Variants in ABR observed in about 807,000 individuals in gnomAD.
ABR encodes the protein ABR activator of RhoGEF and GTPase.
A neutral mutation model predicts 107.2 loss-of-function variants in ABR; 35 were observed. That is an observed-to-expected ratio of 0.33 (90% CI 0.25 to 0.43). The LOEUF (loss-of-function observed/expected upper bound fraction) is 0.43. Among genes scored for constraint, ABR ranks in the 20% least tolerant of loss-of-function variants. The pLI, the probability that ABR is intolerant of heterozygous loss-of-function variation, is 1.00. For missense variants in ABR, 815 were observed against 1,115.2 expected (o/e 0.73, Z 3.83); for synonymous variants, 498 against 462.0 (o/e 1.08, Z -1.00).
At chr17:1,031,119 G>A (rs2072697680) in intron 16 of ABR, among the ~76,000 whole-genome samples, 1 of 152,152 alleles carries the variant, frequency 6.6e-6, no homozygotes, top group East Asian at 1.9e-4. Flanking sequence ...GGGAAGCCTC[G>A]AGCCCCCAGA....
intron 2 of ABR, among the ~76,000 whole-genome samples, chr17:1,101,500 A>G (rs895007956): frequency 1.3e-5 from 2 of 152,150 alleles, no homozygotes; most frequent in East Asian, 1.9e-4. Context: ...CCCACACACC[A>G]GAGCTGGATT....
intron 1 of ABR, among the ~76,000 whole-genome samples, chr17:1,196,695 C>A (rs922594107): frequency 7.5e-6 from 1 of 134,012 alleles, no homozygotes; most frequent in Non-Finnish European, 1.6e-5. Context: ...ATCCAACCTT[C>A]CTTTTTTTTT....
intron 1 of ABR, among the ~76,000 whole-genome samples, chr17:1,145,045 G>GA (rs1324882467): frequency 4.6e-5 from 7 of 151,822 alleles, no homozygotes; most frequent in Non-Finnish European, 8.8e-5. Flanking sequence ...AAAAATAAAG[G>GA]AAAAAAAGAA....
rs139499617 is a variant in ABR at position 1,156,756 on chromosome 17, G to C, written c.61+22911C>G. ...TTAACAATTACTTGGTGAATAGTGA[G>C]TTCCACTACTATCCCCATTTCATAG... On this transcript the variant is annotated intron_variant, in intron 1 of 22. Transcript: ENST00000302538. 4.9e-4 allele frequency among the ~76,000 whole-genome samples: 74 copies of C among 152,328 alleles called. 1 individual carries two copies. The Middle Eastern group carries it at 0.014, about 28-fold the overall frequency.
chr17:1,223,858 C>G (rs937913670), intron 1 of ABR, among the ~76,000 whole-genome samples: 7 of 152,106 alleles, frequency 4.6e-5, no homozygotes, highest in Admixed American at 3.3e-4. Flanking sequence ...GACAACAGCC[C>G]GGGGGAAACC....
At chr17:1,016,473 C>T (rs545199339) in intron 16 of ABR, among the ~76,000 whole-genome samples, 15 of 152,038 alleles carry the variant, frequency 9.9e-5, no homozygotes, top group East Asian at 7.7e-4. Flanking sequence ...CCTGCCACCA[C>T]GCCCAGCTAA....
chr17:1,105,690 A>G (rs2038200113), intron 2 of ABR, among the ~76,000 whole-genome samples: 1 of 152,184 alleles, frequency 6.6e-6, no homozygotes, highest in Non-Finnish European at 1.5e-5. Flanking sequence ...CATGGGCAAC[A>G]TGGTGAAACC....
chr17:1,194,886 A>G (rs1293799000), intron 1 of ABR, among the ~76,000 whole-genome samples: 1 of 127,972 alleles, frequency 7.8e-6, no homozygotes, highest in Non-Finnish European at 1.7e-5. Flanking sequence ...CTCCTGACTC[A>G]GGTGATTCAC....
chr17:1,098,085 T>A (rs1210364395), intron 3 of ABR, among the ~76,000 whole-genome samples: 18 of 151,630 alleles, frequency 1.2e-4, no homozygotes. Flanking sequence ...CTTTTTTTTT[T>A]TTTTTGTGAT....
chr17:1,047,906 G>A (rs1302760536), intron 16 of ABR, among the ~76,000 whole-genome samples: 2 of 152,184 alleles, frequency 1.3e-5, no homozygotes, highest in African/African-American at 4.8e-5. Context: ...CTGAGTTCTC[G>A]AGGGGCTGGG....
intron 1 of ABR, among the ~76,000 whole-genome samples, chr17:1,211,496 G>A (rs1444865848): frequency 6.6e-6 from 1 of 151,952 alleles, no homozygotes; most frequent in Non-Finnish European, 1.5e-5. Context: ...AAAACAAAGC[G>A]TGAATCATAG....
At chr17:1,110,149 C>G (rs2038584660) in intron 2 of ABR, among the ~76,000 whole-genome samples, 4 of 151,856 alleles carry the variant, frequency 2.6e-5, no homozygotes. Flanking sequence ...CTGCCCACTC[C>G]CAGCCAGCTT....
chr17:1,065,742 CTTTTTTTTT>C (rs56388222), intron 10 of ABR, among the ~76,000 whole-genome samples: 5 of 116,328 alleles, frequency 4.3e-5, no homozygotes, highest in Admixed American at 9.5e-5. Context: ...CAAACCAATG[CTTTTTTTTT>C]TTTTTTTTTT....
At chr17:1,025,001 G>A (rs1275845595) in intron 16 of ABR, among the ~76,000 whole-genome samples, 8 of 144,540 alleles carry the variant, frequency 5.5e-5, no homozygotes, top group Admixed American at 3.5e-4. Flanking sequence ...GGCGCCTGTA[G>A]TCCCAGCTAC....
chr17:1,168,040 A>G (rs921074965), intron 1 of ABR, among the ~76,000 whole-genome samples: 1 of 151,500 alleles, frequency 6.6e-6, no homozygotes, highest in Non-Finnish European at 1.5e-5. Flanking sequence ...TAATCCCAGC[A>G]CTTTGGGAGG....
Position 1,070,463 on chromosome 17 carries a change from G to GC in ABR, c.895-374dup, listed in dbSNP as rs1287401486. Reference sequence around the variant, plus strand: ...GGGGCTCTCCGCGGCTAACCCTGGAGCCCCCTGCCCGGGACGACCTGGTTT... The same window carrying GC: ...GGGGCTCTCCGCGGCTAACCCTGGAGCCCCCCTGCCCGGGACGACCTGGTTT... On this transcript the variant is annotated intron_variant, in intron 8 of 22. Transcript: ENST00000302538. The surrounding 1 kb of genome is among the most constrained non-coding windows in gnomAD (Gnocchi z 4.2). Among the ~76,000 whole-genome samples, 1 of 152,192 alleles carries GC rather than the reference G, an allele frequency of 6.6e-6. No homozygotes were observed. The highest frequency in any genetic ancestry group is 1.9e-4 in the East Asian group (1 of 5,178).
At chr17:1,044,032 G>T (rs2031130763) in intron 16 of ABR, among the ~76,000 whole-genome samples, 3 of 152,216 alleles carry the variant, frequency 2.0e-5, no homozygotes, top group Admixed American at 2.0e-4. Flanking sequence ...CTCTCCTCAG[G>T]CCCAGCCCGC....
intron 1 of ABR, among the ~76,000 whole-genome samples, chr17:1,198,111 A>G (rs1284365959): frequency 6.6e-6 from 1 of 151,618 alleles, no homozygotes; most frequent in Non-Finnish European, 1.5e-5. Context: ...CCCCTGCCAC[A>G]ACTAACCAGA....
At chr17:1,118,517 C>T (rs1424855276) in intron 2 of ABR, among the ~76,000 whole-genome samples, 3 of 12,680 alleles carry the variant, frequency 2.4e-4, no homozygotes, top group East Asian at 1.2e-3. Context: ...TTCCTCCCAG[C>T]GTTATCCCTG....
Sources: gnomAD v4.1 joint callset for allele counts (sites outside exome capture counted in the v4.1 genomes callset) on GRCh38, gnomAD v4.1.1 for gene constraint, Gnocchi (gnomAD v3.1) non-coding constraint, MANE v1.5 for transcripts, NCBI Gene and HGNC (gene_info 2026-07-23, HGNC 2026-07-21) for gene names.